Variants in ZCCHC7 observed in about 807,000 individuals in gnomAD.
ZCCHC7 encodes the protein zinc finger CCHC domain-containing protein 7.
ZCCHC7 carries 35 observed loss-of-function variants against 52.0 expected under a neutral mutation model. The ratio of observed to expected loss-of-function variants is 0.67; its 90% CI spans 0.51 to 0.89. The LOEUF (loss-of-function observed/expected upper bound fraction) is 0.89, where lower values mean the gene tolerates loss of function less well. ZCCHC7 is among the 40% of genes least tolerant of loss of function. The probability of loss-of-function intolerance (pLI) is 0.00; values close to 1 mark genes in which losing one functional copy is unlikely to be tolerated. For synonymous variants in ZCCHC7, 217 were observed against 221.5 expected (o/e 0.98, Z 0.18); for missense variants, 574 against 649.1 (o/e 0.88, Z 1.26).
chr9:37,241,652 T>G (rs1825878357), intron 2 of ZCCHC7, among the ~76,000 whole-genome samples: 1 of 151,688 alleles, frequency 6.6e-6, no homozygotes, highest in African/African-American at 2.4e-5. Context: ...AACACTCCAT[T>G]TTGCATGGAT....
At chr9:37,323,049 G>A (rs1208007950) in intron 5 of ZCCHC7, among the ~76,000 whole-genome samples, 1 of 152,106 alleles carries the variant, frequency 6.6e-6, no homozygotes, top group Non-Finnish European at 1.5e-5. Flanking sequence ...CTTTGAGGAG[G>A]TACTGTTAGC....
intron 2 of ZCCHC7, among the ~76,000 whole-genome samples, chr9:37,242,103 G>A (rs1353719550): frequency 1.3e-5 from 2 of 151,736 alleles, no homozygotes; most frequent in African/African-American, 2.4e-5. Context: ...AGGGGTAGGT[G>A]CATAGAGCAT....
intron 2 of ZCCHC7, among the ~76,000 whole-genome samples, chr9:37,165,523 A>G (rs952116872): frequency 1.3e-5 from 2 of 152,114 alleles, no homozygotes; most frequent in South Asian, 4.1e-4. Flanking sequence ...TAGATGTTGG[A>G]TTTTGTCAAA....
At chr9:37,173,419 G>A (rs557947358) in intron 2 of ZCCHC7, among the ~76,000 whole-genome samples, 1 of 152,112 alleles carries the variant, frequency 6.6e-6, no homozygotes, top group African/African-American at 2.4e-5. Context: ...TGTTATATGG[G>A]TATGTAATAC....
At chr9:37,271,775 G>T (rs532720189) in intron 2 of ZCCHC7, among the ~76,000 whole-genome samples, 1 of 152,134 alleles carries the variant, frequency 6.6e-6, no homozygotes, top group African/African-American at 2.4e-5. Flanking sequence ...TCACCATGTT[G>T]GCCAGGCTGG....
intron 6 of ZCCHC7, among the ~76,000 whole-genome samples, chr9:37,348,561 G>A (rs1349779359): frequency 6.6e-6 from 1 of 152,074 alleles, no homozygotes; most frequent in South Asian, 2.1e-4. Flanking sequence ...TGTATTTTTA[G>A]TAGAGACGAG....
chr9:37,232,566 G>A (rs1170906177), intron 2 of ZCCHC7, among the ~76,000 whole-genome samples: 68 of 152,270 alleles, frequency 4.5e-4, no homozygotes, highest in Admixed American at 4.4e-3. Context: ...TCCTGTTTTT[G>A]TACTGCCTTG....
intron 7 of ZCCHC7, among the ~76,000 whole-genome samples, chr9:37,353,649 G>T (rs533573904): frequency 1.0e-3 from 156 of 152,176 alleles, no homozygotes; most frequent in African/African-American, 3.4e-3. Flanking sequence ...TTATATGAGG[G>T]TGAATATAGG....
intron 2 of ZCCHC7, among the ~76,000 whole-genome samples, chr9:37,198,083 T>A (rs1028248199): frequency 3.9e-5 from 6 of 152,204 alleles, no homozygotes; most frequent in African/African-American, 1.4e-4. Flanking sequence ...ATCTGATACC[T>A]CTTTCTCTAA....
At chr9:37,177,219 C>G (rs1156324382) in intron 2 of ZCCHC7, among the ~76,000 whole-genome samples, 1 of 152,126 alleles carries the variant, frequency 6.6e-6, no homozygotes, top group Admixed American at 6.5e-5. Context: ...CCTGTAGTCC[C>G]AGCTACTTGA....
chr9:37,173,742 C>A (rs991414635), intron 2 of ZCCHC7, among the ~76,000 whole-genome samples: 3 of 152,046 alleles, frequency 2.0e-5, no homozygotes, highest in Admixed American at 6.6e-5. Flanking sequence ...CAGCAACTGG[C>A]CTGAATCTAC....
In ZCCHC7 at chr9:37,214,615, CTTATT is replaced by C. The variant is rs895565120; in HGVS notation, c.611-87564_611-87560del. ...TGTGCTCCTTTACCACCACAAAATACTTATTTTATTTTAATTCTTATTTATTAGTT... is the reference window on the plus strand; with the variant it reads ...TGTGCTCCTTTACCACCACAAAATACTTATTTTAATTCTTATTTATTAGTT... On this transcript the variant is annotated intron_variant, in intron 2 of 8. Transcript: ENST00000336755. Among the ~76,000 whole-genome samples, 417 of 152,012 alleles carry C rather than the reference CTTATT, an allele frequency of 2.7e-3. 2 individuals are homozygous for C. Among genetic ancestry groups the C allele is most frequent in the African/African-American group, 9.3e-3 (386 of 41,522 alleles).
intron 2 of ZCCHC7, among the ~76,000 whole-genome samples, chr9:37,214,535 C>A (rs117888377): frequency 6.6e-6 from 1 of 151,960 alleles, no homozygotes; most frequent in Non-Finnish European, 1.5e-5. Flanking sequence ...ATGTTTCTGT[C>A]GTGTTGTTTC....
intron 2 of ZCCHC7, among the ~76,000 whole-genome samples, chr9:37,301,257 G>A (rs1409748106): frequency 6.6e-6 from 1 of 152,160 alleles, no homozygotes; most frequent in Non-Finnish European, 1.5e-5. Context: ...ACACTTGAAG[G>A]AGCACTCAAT....
At chr9:37,174,135 A>G (rs1450100176) in intron 2 of ZCCHC7, among the ~76,000 whole-genome samples, 1 of 152,064 alleles carries the variant, frequency 6.6e-6, no homozygotes, top group African/African-American at 2.4e-5. Flanking sequence ...GATATGGTGA[A>G]ACCCCATCTC....
intron 2 of ZCCHC7, among the ~76,000 whole-genome samples, chr9:37,279,809 T>A (rs943930980): frequency 6.6e-6 from 1 of 152,026 alleles, no homozygotes; most frequent in African/African-American, 2.4e-5. Flanking sequence ...AGTAGTCATA[T>A]TAATCAGGTA....
chr9:37,278,300 A>T (rs776152097), intron 2 of ZCCHC7, among the ~76,000 whole-genome samples: 28 of 152,182 alleles, frequency 1.8e-4, no homozygotes, highest in Non-Finnish European at 3.8e-4. Flanking sequence ...AATAAATATG[A>T]AACTTGCTGG....
chr9:37,281,967 A>C (rs1413376742), intron 2 of ZCCHC7, among the ~76,000 whole-genome samples: 1 of 152,104 alleles, frequency 6.6e-6, no homozygotes, highest in African/African-American at 2.4e-5. Context: ...TCCTGCTCCC[A>C]CGTATGGTTC....
rs146954982 is a variant in ZCCHC7, at chr9:37,356,916, T to C, written c.1280T>C (p.Ile427Thr). 3.8e-5 allele frequency: 62 copies of C among 1,613,344 alleles called. No homozygotes were observed. In the African/African-American group the frequency reaches 7.8e-4, roughly 20 times the overall value. The part of the protein sequence containing the change: ...KAANENPHHD[I>T]RKGRASWKSN... ...GCAAATGAGAACCCCCACCATGATATAAGGAAGGGCCGTGCCTCATGGAAA... is the reference window on the plus strand; with the variant it reads ...GCAAATGAGAACCCCCACCATGATACAAGGAAGGGCCGTGCCTCATGGAAA... The change falls in exon 9 of 9, where the codon ATA (isoleucine) becomes ACA (threonine). Residue 427 changes from isoleucine (I) to threonine (T), a missense_variant. Physicochemically the swap from Ile to Thr is moderately conservative, Grantham distance 89 (BLOSUM62 -1). Coordinates refer to ENST00000336755, the MANE Select transcript of ZCCHC7 (RefSeq NM_032226.3).
Sources: allele counts gnomAD v4.1 joint callset (sites outside exome capture counted in the v4.1 genomes callset), GRCh38; gene constraint gnomAD v4.1.1; transcripts MANE v1.5; gene names NCBI Gene and HGNC (gene_info 2026-07-23, HGNC 2026-07-21).